WWOX: variants seen among roughly 807,000 people sequenced by gnomAD.
WWOX encodes the protein WW domain-containing oxidoreductase.
WWOX carries 69 observed loss-of-function variants against 46.2 expected under a neutral mutation model. That is an observed-to-expected ratio of 1.49 (90% CI 1.23 to 1.82). The LOEUF is 1.82. Ranked by LOEUF, WWOX falls within the 40% of genes most tolerant of loss-of-function variation. WWOX has a pLI of 0.00. For missense variants in WWOX, 919 were observed against 542.6 expected (o/e 1.69, Z -6.89); for synonymous variants, 359 against 202.6 (o/e 1.77, Z -6.56).
intron 8 of WWOX, among the ~76,000 whole-genome samples, chr16:78,539,144 T>G (rs1039327425): frequency 1.3e-5 from 2 of 152,228 alleles, no homozygotes; most frequent in Non-Finnish European, 2.9e-5. Context: ...AATGATGTTT[T>G]ATTGAATTTT....
chr16:79,176,952 A>G (rs920158465), intron 8 of WWOX, among the ~76,000 whole-genome samples: 10 of 151,924 alleles, frequency 6.6e-5, no homozygotes, highest in African/African-American at 2.4e-4. Flanking sequence ...ATCAGTTTCC[A>G]CCCCTCCTGC....
At chr16:78,839,077 G>A (rs2052068850) in intron 8 of WWOX, among the ~76,000 whole-genome samples, 1 of 152,138 alleles carries the variant, frequency 6.6e-6, no homozygotes, top group Non-Finnish European at 1.5e-5. Context: ...AAGGGTGCAT[G>A]AGATTGCTGT....
intron 8 of WWOX, among the ~76,000 whole-genome samples, chr16:79,109,862 C>T (rs972483122): frequency 1.3e-5 from 2 of 152,192 alleles, no homozygotes; most frequent in Non-Finnish European, 2.9e-5. Flanking sequence ...ATGCATGTTA[C>T]TGCAGTACAA....
At chr16:78,808,372 G>T (rs1655551868) in intron 8 of WWOX, among the ~76,000 whole-genome samples, 1 of 152,160 alleles carries the variant, frequency 6.6e-6, no homozygotes, top group Admixed American at 6.5e-5. Flanking sequence ...TAAATAATAG[G>T]TCTTAGATAT....
intron 8 of WWOX, among the ~76,000 whole-genome samples, chr16:79,165,298 A>G (rs879892670): frequency 2.0e-5 from 3 of 152,172 alleles, no homozygotes; most frequent in African/African-American, 4.8e-5. Context: ...GTGTGTGTGC[A>G]CACATGGGTG....
At chr16:79,014,921 C>T (rs1280778528) in intron 8 of WWOX, among the ~76,000 whole-genome samples, 1 of 152,068 alleles carries the variant, frequency 6.6e-6, no homozygotes, top group Non-Finnish European at 1.5e-5. Context: ...GTGGTGGCAC[C>T]CAGGAAGGAC....
intron 8 of WWOX, among the ~76,000 whole-genome samples, chr16:78,860,270 G>C (rs1188385265): frequency 1.3e-5 from 2 of 152,158 alleles, no homozygotes; most frequent in Non-Finnish European, 2.9e-5. Flanking sequence ...AAATATTTGT[G>C]AATCAGTAAA....
At chr16:78,181,459 A>T (rs1457799841) in intron 5 of WWOX, among the ~76,000 whole-genome samples, 1 of 152,160 alleles carries the variant, frequency 6.6e-6, no homozygotes, top group Non-Finnish European at 1.5e-5. Context: ...AAAAAATATC[A>T]ATACTTTGCA....
At position 78,947,071 on chromosome 16, in the gene WWOX, A is replaced by T. The variant is rs1229497718; in HGVS notation, c.1057-264537A>T. 2.0e-5 allele frequency among the ~76,000 whole-genome samples: 3 copies of T among 152,142 alleles called. No individual in the cohort carries two copies. In the East Asian group the frequency reaches 5.8e-4, roughly 29 times the overall value. ...AAAAAGAAAGTTTCTTTTTTTAAAA[A>T]AAAGCCTTACTGCTCAATAAATCCC... On this transcript the variant is annotated intron_variant, in intron 8 of 8. Coordinates refer to ENST00000566780, the MANE Select transcript of WWOX (RefSeq NM_016373.4).
chr16:78,630,339 T>G (rs995145617), intron 8 of WWOX, among the ~76,000 whole-genome samples: 2 of 152,084 alleles, frequency 1.3e-5, no homozygotes, highest in African/African-American at 4.8e-5. Flanking sequence ...CTGTCACCAT[T>G]CCCAGATCAG....
At chr16:78,975,022 G>A (rs547115546) in intron 8 of WWOX, among the ~76,000 whole-genome samples, 2 of 152,282 alleles carry the variant, frequency 1.3e-5, no homozygotes, top group East Asian at 3.9e-4. Context: ...TGGTGAGACC[G>A]TTGTTGGATG....
intron 8 of WWOX, among the ~76,000 whole-genome samples, chr16:78,540,782 G>A (rs578100717): frequency 2.0e-5 from 3 of 152,200 alleles, no homozygotes; most frequent in African/African-American, 7.2e-5. Context: ...AAATTCATGA[G>A]CCCAAGCGAT....
rs1007380319 is a variant in WWOX, at chr16:79,092,167, A to G, written c.1057-119441A>G. Reference sequence around the variant, plus strand: ...TTAGGGGAGTTTGCCTGTGTGCAAGAGAAGGCTTCCTACTTCATTTTCTTG... The same window carrying G: ...TTAGGGGAGTTTGCCTGTGTGCAAGGGAAGGCTTCCTACTTCATTTTCTTG... On this transcript the variant is annotated intron_variant, in intron 8 of 8. Coordinates refer to ENST00000566780, the MANE Select transcript of WWOX (RefSeq NM_016373.4). 5.9e-5 allele frequency among the ~76,000 whole-genome samples: 9 copies of G among 152,150 alleles called. 1 individual carries two copies. Among genetic ancestry groups the G allele is most frequent in the Admixed American group, 5.9e-4 (9 of 15,274 alleles).
At chr16:78,432,337 C>G (rs879416754) in intron 7 of WWOX, 151 bp from the exon 8 acceptor site, 1 of 1,027,162 alleles carries the variant, frequency 9.7e-7, no homozygotes, top group Non-Finnish European at 1.4e-6. Context: ...AACTCCCGAC[C>G]TCAGGTGATC....
At chr16:78,473,740 A>C (rs1177115439) in intron 8 of WWOX, among the ~76,000 whole-genome samples, 1 of 152,208 alleles carries the variant, frequency 6.6e-6, no homozygotes. Context: ...AGGTCTTTGC[A>C]AGGTAAGCTG....
chr16:78,545,015 A>AAG (rs935980534), intron 8 of WWOX, among the ~76,000 whole-genome samples: 5 of 152,038 alleles, frequency 3.3e-5, no homozygotes, highest in South Asian at 2.1e-4. Context: ...AGCTTTACAA[A>AAG]AGAGAGAGAG....
At chr16:78,683,096 T>C (rs142905977) in intron 8 of WWOX, among the ~76,000 whole-genome samples, 13 of 152,300 alleles carry the variant, frequency 8.5e-5, no homozygotes, top group African/African-American at 3.1e-4. Context: ...ATGACTTGTT[T>C]TGTTCTATCC....
chr16:78,827,310 C>G (rs1309477036), intron 8 of WWOX, among the ~76,000 whole-genome samples: 2 of 152,082 alleles, frequency 1.3e-5, no homozygotes, highest in Non-Finnish European at 2.9e-5. Context: ...CATCAAAGCA[C>G]CATGTGTGGG....
At chr16:79,000,979 C>T (rs1450035588) in intron 8 of WWOX, among the ~76,000 whole-genome samples, 1 of 152,168 alleles carries the variant, frequency 6.6e-6, no homozygotes, top group Non-Finnish European at 1.5e-5. Flanking sequence ...TTCCTAGGGC[C>T]TACCACCGCC....
Sources: allele counts gnomAD v4.1 joint callset (sites outside exome capture counted in the v4.1 genomes callset), GRCh38; gene constraint gnomAD v4.1.1; transcripts MANE v1.5; gene names NCBI Gene and HGNC (gene_info 2026-07-23, HGNC 2026-07-21).